The following MMEL1 variants were observed in gnomAD, a reference collection of about 807,000 sequenced individuals.
MMEL1 encodes the protein membrane metalloendopeptidase like 1, also known as membrane metallo-endopeptidase-like 1.
Under a neutral mutation model 117.1 loss-of-function variants are expected in MMEL1, and 98 were observed. That is an observed-to-expected ratio of 0.84 (90% CI 0.71 to 0.99). The LOEUF (loss-of-function observed/expected upper bound fraction) is 0.99, where lower values mean the gene tolerates loss of function less well. Among genes scored for constraint, MMEL1 ranks in the 50% least tolerant of loss-of-function variants. The pLI, the probability that MMEL1 is intolerant of heterozygous loss-of-function variation, is 0.00. For synonymous variants in MMEL1, 390 were observed against 415.1 expected (o/e 0.94, Z 0.74); for missense variants, 1,014 against 1,049.1 (o/e 0.97, Z 0.46).
In MMEL1 at chr1:2,611,336, G is replaced by A; in HGVS notation, c.237C>T (p.Ile79=). The A allele has an allele frequency of 6.5e-7, 1 of 1,540,048 alleles. No individual in the cohort carries two copies. The highest frequency in any genetic ancestry group is 8.7e-7 in the Non-Finnish European group (1 of 1,143,948). The change falls in exon 4 of 24, where the codon ATC becomes ATT. Residue 79 remains isoleucine (I), a synonymous_variant. Coordinates refer to ENST00000378412, the MANE Select transcript of MMEL1 (RefSeq NM_033467.4). Reference sequence around the variant, plus strand: ...CCTCGCTCACCTCTTGGGCCTCTGGGATCCCTGCGGGCAAGGAGCAGCCTG... The same window carrying A: ...CCTCGCTCACCTCTTGGGCCTCTGGAATCCCTGCGGGCAAGGAGCAGCCTG... ...RTFVKRKPRG[I]PEAQEVSEVC...
rs1644815457 is a variant in MMEL1 at position 2,595,284 on chromosome 1, ACT to A, written c.1574_1575del (p.Glu525ValfsTer13). On this transcript the variant is annotated frameshift_variant, in exon 16 of 24. Transcript: ENST00000378412. LOFTEE classifies it high-confidence loss of function. This position sits in a 1 kb window ranked among gnomAD's most constrained non-coding sequence, Gnocchi z 4.8. ...TGGGGTTGGGGGCGCACATTGGAGT[ACT>A]CCTCGTCCAGGCGCCTGTTCATCTC... Reference protein sequence around the residue: ...LEEMNRRLDEEYSNLNFSEDL... With the variant: ...LEEMNRRLDEXYSNLNFSEDL... 1.2e-5 allele frequency: 19 copies of A among 1,612,972 alleles called. No individual in the cohort carries two copies. Among genetic ancestry groups the A allele is most frequent in the Non-Finnish European group, 1.6e-5 (19 of 1,179,780 alleles).
rs1263900889 is a variant in MMEL1 at position 2,595,321 on chromosome 1, G to C, written c.1539C>G (p.Tyr513Ter). The change falls in exon 16 of 24, where the codon TAC (tyrosine) becomes TAG (stop). Residue 513 changes from tyrosine to a stop codon, truncating the protein, a stop_gained. Transcript: ENST00000378412. LOFTEE classifies it high-confidence loss of function. The surrounding 1 kb of genome is among the most constrained non-coding windows in gnomAD (Gnocchi z 4.8). ...GGCGCCTGTTCATCTCCTCCAGGAT[G>C]TAGTCAGGGTGCCCGATCTGCTCCC... ...SIREQIGHPD[Y>*]ILEEMNRRLD... The C allele has an allele frequency of 1.2e-6, 2 of 1,613,948 alleles. No individual in the cohort carries two copies. Among genetic ancestry groups the C allele is most frequent in the Non-Finnish European group, 1.7e-6 (2 of 1,180,000 alleles).
At chr1:2,623,111 G>A (rs975315221) in intron 2 of MMEL1, among the ~76,000 whole-genome samples, 5 of 151,750 alleles carry the variant, frequency 3.3e-5, no homozygotes, top group African/African-American at 1.2e-4. Flanking sequence ...AGAGGTTGCA[G>A]TGAGCCGAGA....
chr1:2,626,776 G>T (rs1364141999), intron 2 of MMEL1, among the ~76,000 whole-genome samples: 1 of 152,100 alleles, frequency 6.6e-6, no homozygotes, highest in African/African-American at 2.4e-5. Flanking sequence ...CTGTCGAAAA[G>T]ATAGAAATAC....
intron 6 of MMEL1, among the ~76,000 whole-genome samples, chr1:2,608,388 A>G (rs936304585): frequency 4.6e-5 from 7 of 152,114 alleles, no homozygotes; most frequent in African/African-American, 1.7e-4. Context: ...AATTCCTTTA[A>G]TAGGAACTGA....
Position 2,606,159 on chromosome 1 carries a change from C to A in MMEL1, c.750+89G>T, listed in dbSNP as rs1358117742. On this transcript the variant is annotated intron_variant, in intron 8 of 23. Transcript: ENST00000378412. Reference sequence around the variant, plus strand: ...CCCAGGAGACCCCGGAGCTCCCTGTCGGCCTGGCCCATCCTTCTGCTGTGC... The same window carrying A: ...CCCAGGAGACCCCGGAGCTCCCTGTAGGCCTGGCCCATCCTTCTGCTGTGC... 7 of 1,042,806 alleles carry A rather than the reference C, an allele frequency of 6.7e-6. No individual in the cohort carries two copies. In the South Asian group the frequency reaches 9.1e-5, roughly 14 times the overall value. 64.6% of individuals were successfully genotyped at this position (1,042,806 alleles called of 1,614,324 possible).
chr1:2,619,503 C>T lies in MMEL1; in HGVS notation c.155-7299G>A, dbSNP rs140831696. ...TGAAACCCCGTCTCTACTAAAATTA[C>T]AAAAATTAGCCAGGCATGGTGGCGG... is the stretch of plus-strand genomic sequence containing the variant. On this transcript the variant is annotated intron_variant, in intron 2 of 23. Coordinates refer to ENST00000378412, the MANE Select transcript of MMEL1 (RefSeq NM_033467.4). Among the ~76,000 whole-genome samples the T allele has an allele frequency of 4.7e-3, 718 of 152,006 alleles. 4 individuals are homozygous for T. The highest frequency in any genetic ancestry group is 0.016 in the African/African-American group (678 of 41,446).
rs1291951204 is a variant in MMEL1 at position 2,603,892 on chromosome 1, C to G, written c.1033G>C (p.Gly345Arg). The part of the protein sequence containing the change: ...MGLEELQSQF[G>R]LKGFNWTLFI... Reference sequence around the variant, plus strand: ...GTGTGGTGTGGCCTCACCTTCAGGCCAAACTGGCTTTGCAGCTCCTCCAGT... The same window carrying G: ...GTGTGGTGTGGCCTCACCTTCAGGCGAAACTGGCTTTGCAGCTCCTCCAGT... Residue 345 changes from glycine to arginine, a missense_variant, in exon 11 of 24, where the codon GGC (glycine) becomes CGC (arginine). Physicochemically the swap from Gly to Arg is moderately radical, Grantham distance 125. Coordinates refer to ENST00000378412, the MANE Select transcript of MMEL1 (RefSeq NM_033467.4). The G allele has an allele frequency of 3.7e-6, 6 of 1,613,616 alleles. No homozygotes were observed. The highest frequency in any genetic ancestry group is 5.1e-6 in the Non-Finnish European group (6 of 1,179,976).
chr1:2,592,000 C>T lies in MMEL1; in HGVS notation c.2095G>A (p.Gly699Ser). The change falls in exon 22 of 24, where the codon GGC becomes AGC. Residue 699 changes from glycine (G) to serine (S), a missense_variant. By Grantham distance (56) the Gly-to-Ser change is moderately conservative. Coordinates refer to ENST00000378412, the MANE Select transcript of MMEL1 (RefSeq NM_033467.4). ...KAYLKWMAEG[G>S]KDQQLPGLDL... ...AGGCCGGGCAGCTGCTGGTCCTTGC[C>T]ACCCTCTGCCATCCACTTGAGGTAG... 6.2e-7 allele frequency: 1 copy of T among 1,613,264 alleles called. No individual in the cohort carries two copies. The highest frequency in any genetic ancestry group is 2.2e-5 in the East Asian group (1 of 44,878).
At chr1:2,593,712 C>A (rs1488070511) in intron 19 of MMEL1, 102 bp downstream of exon 19, 2 of 1,420,796 alleles carry the variant, frequency 1.4e-6, no homozygotes, top group South Asian at 1.6e-5. Context: ...GGTGTCCCCA[C>A]TGAAACCGTG....
Position 2,603,932 on chromosome 1 carries a change from C to A in MMEL1, c.993G>T (p.Leu331Phe). 6.2e-7 allele frequency: 1 copy of A among 1,613,952 alleles called. No homozygotes were observed. The highest frequency in any genetic ancestry group is 8.5e-7 in the Non-Finnish European group (1 of 1,180,002). ...PQEERHDVIA[L>F]YHRMGLEELQ... ...GCTCCTCCAGTCCCATCCGGTGGTA[C>A]AAGGCGATGACGTCGTGTCTCTCCT... Residue 331 changes from leucine to phenylalanine, a missense_variant, in exon 11 of 24, where the codon TTG (leucine) becomes TTT (phenylalanine). By Grantham distance (22) the Leu-to-Phe change is conservative (BLOSUM62 0). Transcript: ENST00000378412.
chr1:2,628,477 T>C (rs186561504), intron 2 of MMEL1, among the ~76,000 whole-genome samples: 6 of 152,242 alleles, frequency 3.9e-5, no homozygotes, highest in Admixed American at 1.3e-4. Flanking sequence ...GAGCTCTGAG[T>C]CCGGTGCCTG....
At position 2,612,262 on chromosome 1, in the gene MMEL1, T is replaced by C; in HGVS notation, c.155-58A>G. 1 of 1,457,050 alleles carries C rather than the reference T, an allele frequency of 6.9e-7. No individual in the cohort carries two copies. The highest frequency in any genetic ancestry group is 9.4e-7 in the Non-Finnish European group (1 of 1,061,646). The allele number at this position is 1,457,050 out of a possible 1,614,324, so 90.3% of individuals were successfully genotyped here. A position where few individuals can be genotyped will look rare whatever the true frequency, so the allele number is the denominator to read the frequency against. On this transcript the variant is annotated intron_variant, in intron 2 of 23. Transcript: ENST00000378412. This position sits in a 1 kb window ranked among gnomAD's most constrained non-coding sequence, Gnocchi z 5.4. ...CCTGCCTGCAGCTCCCTGGGGGTGC[T>C]GGGGGCCTCCCTGGGTCAGCACGCC...
chr1:2,608,885 A>G (rs1464819629), intron 6 of MMEL1, among the ~76,000 whole-genome samples: 1 of 149,052 alleles, frequency 6.7e-6, no homozygotes, highest in Admixed American at 6.7e-5. Context: ...CACATGTAAC[A>G]TATATAGATA....
At chr1:2,617,461 G>T (rs144217181) in intron 2 of MMEL1, among the ~76,000 whole-genome samples, 1 of 147,670 alleles carries the variant, frequency 6.8e-6, no homozygotes, top group African/African-American at 2.6e-5. Flanking sequence ...TTAGTCAGGC[G>T]TGGTGGTGCA....
intron 14 of MMEL1, 47 bp downstream of exon 14, chr1:2,596,514 C>T (rs1464906175): frequency 6.3e-7 from 1 of 1,592,188 alleles, no homozygotes; most frequent in Non-Finnish European, 8.5e-7. Flanking sequence ...GCTCGGTGTC[C>T]CTGTGGAAGG....
intron 2 of MMEL1, among the ~76,000 whole-genome samples, chr1:2,619,469 CCAACATGGT>C (rs1645256044): frequency 6.6e-6 from 1 of 152,022 alleles, no homozygotes; most frequent in Non-Finnish European, 1.5e-5. Flanking sequence ...ACCAGCCTGG[CCAACATGGT>C]GAAACCCCGT....
At chr1:2,615,749 GT>G (rs1645191130) in intron 2 of MMEL1, among the ~76,000 whole-genome samples, 1 of 152,174 alleles carries the variant, frequency 6.6e-6, no homozygotes, top group Non-Finnish European at 1.5e-5. Flanking sequence ...ATCTAAAATT[GT>G]TCTAAATTTT....
Position 2,612,019 on chromosome 1 carries a change from A to G in MMEL1, c.232+108T>C, listed in dbSNP as rs929166946. The G allele has an allele frequency of 4.1e-6, 4 of 966,616 alleles. No individual in the cohort carries two copies. Among genetic ancestry groups the G allele is most frequent in the Non-Finnish European group, 4.8e-6 (3 of 624,300 alleles). 59.9% of individuals were successfully genotyped at this position (966,616 alleles called of 1,614,324 possible). On this transcript the variant is annotated intron_variant, in intron 3 of 23. Transcript: ENST00000378412. This position sits in a 1 kb window ranked among gnomAD's most constrained non-coding sequence, Gnocchi z 5.4. ...TCTCCCCATGGCCCTCCTCCGGCAC[A>G]TGAGGGTTGGGCAGAACCCAGCCCC... is the stretch of plus-strand genomic sequence containing the variant.
Sources: gnomAD v4.1 joint callset for allele counts (sites outside exome capture counted in the v4.1 genomes callset) on GRCh38, gnomAD v4.1.1 for gene constraint, Gnocchi (gnomAD v3.1) non-coding constraint, MANE v1.5 for transcripts, NCBI Gene and HGNC (gene_info 2026-07-23, HGNC 2026-07-21) for gene names.